Variants in PCDHGA7 observed in about 807,000 individuals in gnomAD.
PCDHGA7 encodes protocadherin gamma subfamily A, 7.
A neutral mutation model predicts 58.3 loss-of-function variants in PCDHGA7; 44 were observed. The ratio of observed to expected loss-of-function variants is 0.75; its 90% CI spans 0.59 to 0.97. The LOEUF (loss-of-function observed/expected upper bound fraction) is 0.97, where lower values mean the gene tolerates loss of function less well. PCDHGA7 is among the 50% of genes least tolerant of loss of function. PCDHGA7 has a pLI of 0.00. For synonymous variants in PCDHGA7, 516 were observed against 504.2 expected, an observed-to-expected ratio of 1.02 and a Z score of -0.31; for missense variants, 1,266 against 1,188.7, an observed-to-expected ratio of 1.06 and a Z score of -0.96.
rs762408704 is a variant in PCDHGA7 at position 141,486,335 on chromosome 5, C to G, written c.2425-8472C>G. 6.2e-7 allele frequency: 1 copy of G among 1,613,936 alleles called. No individual in the cohort carries two copies. The highest frequency in any genetic ancestry group is 8.5e-7 in the Non-Finnish European group (1 of 1,180,002). ...AGGGTCAAACGGAGATGTGAGCCTC[C>G]GCATTCCTGACCACTTGCCATTTGC... On this transcript the variant is annotated intron_variant, in intron 1 of 3. Transcript: ENST00000518325. This position sits in a 1 kb window ranked among gnomAD's most constrained non-coding sequence, Gnocchi z 5.0.
intron 1 of PCDHGA7, chr5:141,413,532 A>C (rs1269070438): frequency 9.9e-6 from 16 of 1,613,788 alleles, no homozygotes; most frequent in Non-Finnish European, 1.2e-5. Context: ...ACAGGGTGAA[A>C]CTTTTTGGGA....
At chr5:141,412,001 A>G (rs2095528527) in intron 1 of PCDHGA7, 1 of 151,750 alleles carries the variant, frequency 6.6e-6, no homozygotes, top group Non-Finnish European at 1.5e-5. Flanking sequence ...GCATAGTGAC[A>G]TAAACACTTC....
At chr5:141,509,669 G>GAGAA (rs2099877764) in intron 3 of PCDHGA7, among the ~76,000 whole-genome samples, 1 of 152,180 alleles carries the variant, frequency 6.6e-6, no homozygotes, top group African/African-American at 2.4e-5. Flanking sequence ...CTGGGCCCCA[G>GAGAA]TTTCTTCTTC....
rs149649459 is a variant in PCDHGA7, at chr5:141,505,183, G to A, written c.2484-210G>A. ...TCTAAAACAAAAAGAAAAAAGCATC[G>A]GAGGCAGCAAAGAGCTGGTTTGAGG... On this transcript the variant is annotated intron_variant, in intron 2 of 3. Transcript: ENST00000518325. Among the ~76,000 whole-genome samples, 214 of 152,244 alleles carry A rather than the reference G, an allele frequency of 1.4e-3. 1 individual carries two copies. Among genetic ancestry groups the A allele is most frequent in the African/African-American group, 4.8e-3 (200 of 41,530 alleles).
At chr5:141,505,977 G>A (rs944259753) in intron 3 of PCDHGA7, among the ~76,000 whole-genome samples, 1 of 152,150 alleles carries the variant, frequency 6.6e-6, no homozygotes, top group East Asian at 1.9e-4. Flanking sequence ...CCAGCCGAGA[G>A]AACACCTCCT....
chr5:141,476,584 C>T lies in PCDHGA7; in HGVS notation c.2425-18223C>T. 6.2e-7 allele frequency: 1 copy of T among 1,614,218 alleles called. No individual in the cohort carries two copies. The highest frequency in any genetic ancestry group is 8.5e-7 in the Non-Finnish European group (1 of 1,180,042). ...TGGCTCCGGGGACGCGCTTTCCGCTCGAGAGCGCGCACGATCCCGATGTGG... is the reference window on the plus strand; with the variant it reads ...TGGCTCCGGGGACGCGCTTTCCGCTTGAGAGCGCGCACGATCCCGATGTGG... On this transcript the variant is annotated intron_variant, in intron 1 of 3. Coordinates refer to ENST00000518325, the MANE Select transcript of PCDHGA7 (RefSeq NM_018920.4). The surrounding 1 kb of genome is among the most constrained non-coding windows in gnomAD (Gnocchi z 7.6).
At chr5:141,480,285 T>C (rs1369369395) in intron 1 of PCDHGA7, among the ~76,000 whole-genome samples, 1 of 151,924 alleles carries the variant, frequency 6.6e-6, no homozygotes, top group East Asian at 1.9e-4. Flanking sequence ...TGTGTTGGCA[T>C]GCACCTGTGG....
intron 1 of PCDHGA7, chr5:141,393,144 G>T (rs745405842): frequency 1.2e-6 from 2 of 1,613,316 alleles, no homozygotes; most frequent in Non-Finnish European, 1.7e-6. Flanking sequence ...CACCCTGGTT[G>T]AGGATAAAGG....
At position 141,431,556 on chromosome 5, in the gene PCDHGA7, C is replaced by G. The variant is rs1561853752; in HGVS notation, c.2424+46233C>G. ...GGCACGCAGCTGCTTGTAGTCAACGCTACCGACCCTGACGAAGGAGTCAAT... is the reference window on the plus strand; with the variant it reads ...GGCACGCAGCTGCTTGTAGTCAACGGTACCGACCCTGACGAAGGAGTCAAT... On this transcript the variant is annotated intron_variant, in intron 1 of 3. Transcript: ENST00000518325. The surrounding 1 kb of genome is among the most constrained non-coding windows in gnomAD (Gnocchi z 4.8). 3 of 1,614,138 alleles carry G rather than the reference C, an allele frequency of 1.9e-6. No individual in the cohort carries two copies. The highest frequency in any genetic ancestry group is 2.5e-6 in the Non-Finnish European group (3 of 1,180,022).
chr5:141,496,192 C>T (rs942276204), intron 2 of PCDHGA7, among the ~76,000 whole-genome samples: 1 of 152,098 alleles, frequency 6.6e-6, no homozygotes, highest in Non-Finnish European at 1.5e-5. Flanking sequence ...CCCAGCTGCT[C>T]ATTTCAATCT....
intron 1 of PCDHGA7, chr5:141,398,475 T>C (rs1201280028): frequency 2.0e-5 from 32 of 1,607,296 alleles, no homozygotes; most frequent in Admixed American, 1.7e-4. Flanking sequence ...CACTGAACTT[T>C]TATCACGTGA....
intron 2 of PCDHGA7, among the ~76,000 whole-genome samples, chr5:141,504,704 A>G (rs965376942): frequency 1.3e-5 from 2 of 151,356 alleles, no homozygotes; most frequent in African/African-American, 4.8e-5. Flanking sequence ...AGGTTCTTCT[A>G]TGGCCGTGGA....
At chr5:141,398,675 A>C (rs1462726875) in intron 1 of PCDHGA7, 1 of 1,613,974 alleles carries the variant, frequency 6.2e-7, no homozygotes, top group Non-Finnish European at 8.5e-7. Flanking sequence ...TTAATAATTA[A>C]GGAGAAACAG....
chr5:141,509,882 GTGAC>G (rs1186067105), intron 3 of PCDHGA7, among the ~76,000 whole-genome samples: 1 of 152,182 alleles, frequency 6.6e-6, no homozygotes, highest in Non-Finnish European at 1.5e-5. Context: ...GGTGGTGATG[GTGAC>G]TGACTGTCCC....
chr5:141,457,417 CT>C lies in PCDHGA7; in HGVS notation c.2425-37385del, dbSNP rs894846890. On this transcript the variant is annotated intron_variant, in intron 1 of 3. Transcript: ENST00000518325. ...ATTCACATTTTCACATTACCCATCC[CT>C]TTTTCCCCCCCACCAAGCTGCAGAA... Among the ~76,000 whole-genome samples, 3 of 152,296 alleles carry C rather than the reference CT, an allele frequency of 2.0e-5. No individual in the cohort carries two copies. In the South Asian group the frequency reaches 6.2e-4, roughly 32 times the overall value.
intron 1 of PCDHGA7, chr5:141,419,893 TCCC>T (rs571839457): frequency 5.0e-5 from 81 of 1,613,960 alleles, no homozygotes; most frequent in Non-Finnish European, 6.5e-5. Context: ...TCAGCGACCA[TCCC>T]ACACCCTCTG....
chr5:141,384,570 C>T lies in PCDHGA7; in HGVS notation c.1671C>T (p.Asp557=), dbSNP rs1344812982. 1 of 1,614,240 alleles carries T rather than the reference C, an allele frequency of 6.2e-7. No homozygotes were observed. Among genetic ancestry groups the T allele is most frequent in the South Asian group, 1.1e-5 (1 of 91,086 alleles). ...GCCTGTTCGTGCTGGACCAGAATGA[C>T]AACCCGCCCGAGATCCTGTACCCGG... ...SLSLFVLDQN[D]NPPEILYPAL... The change falls in exon 1 of 4, where the codon GAC becomes GAT. Residue 557 remains aspartate (D), a synonymous_variant. Transcript: ENST00000518325.
rs1012790217 is a variant in PCDHGA7 at position 141,432,087 on chromosome 5, C to T, written c.2424+46764C>T. On this transcript the variant is annotated intron_variant, in intron 1 of 3. Coordinates refer to ENST00000518325, the MANE Select transcript of PCDHGA7 (RefSeq NM_018920.4). This position sits in a 1 kb window ranked among gnomAD's most constrained non-coding sequence, Gnocchi z 6.0. ...GAAACTCATATCTCGCTGAACGTGG[C>T]AGACACCAACGACAACCCGCCGGTC... is the stretch of plus-strand genomic sequence containing the variant. The T allele has an allele frequency of 2.5e-6, 4 of 1,614,060 alleles. No homozygotes were observed. The African/African-American group carries it at 4.0e-5, about 16-fold the overall frequency.
At chr5:141,419,096 G>T in intron 1 of PCDHGA7, 9 of 1,613,918 alleles carry the variant, frequency 5.6e-6, no homozygotes, top group Non-Finnish European at 7.6e-6. Context: ...CCTGGATCGG[G>T]AGCAGACCCC....
Sources: gnomAD v4.1 joint callset for allele counts (sites outside exome capture counted in the v4.1 genomes callset) on GRCh38, gnomAD v4.1.1 for gene constraint, Gnocchi (gnomAD v3.1) non-coding constraint, MANE v1.5 for transcripts, NCBI Gene and HGNC (gene_info 2026-07-23, HGNC 2026-07-21) for gene names.